STK32B: variants seen among roughly 807,000 people sequenced by gnomAD.
STK32B encodes the protein serine/threonine-protein kinase 32B.
A neutral mutation model predicts 52.6 loss-of-function variants in STK32B; 43 were observed. The observed-to-expected ratio is 0.82, with a 90% CI of 0.64 to 1.05. STK32B has a LOEUF of 1.05. Among genes scored for constraint, STK32B ranks in the 50% least tolerant of loss-of-function variants. The probability of loss-of-function intolerance (pLI) is 0.00; values close to 1 mark genes in which losing one functional copy is unlikely to be tolerated. For missense variants in STK32B, 621 were observed against 534.6 expected (o/e 1.16, Z -1.59); for synonymous variants, 238 against 204.3 (o/e 1.17, Z -1.41).
At chr4:5,487,153 GTC>G (rs930432864) in intron 11 of STK32B, among the ~76,000 whole-genome samples, 11 of 152,198 alleles carry the variant, frequency 7.2e-5, no homozygotes, top group African/African-American at 2.7e-4. Context: ...TGTCCCAGTT[GTC>G]TCTGTCCCAT....
Position 5,168,279 on chromosome 4 carries a change from C to T in STK32B, c.109-20C>T. ...TTTCGATTGTTGGCCTGACTGTTCTCTCCTTTGGCTGTCGCTCAGGTATGC... is the reference window on the plus strand; with the variant it reads ...TTTCGATTGTTGGCCTGACTGTTCTTTCCTTTGGCTGTCGCTCAGGTATGC... On this transcript the variant is annotated intron_variant, in intron 2 of 11. Coordinates refer to ENST00000282908, the MANE Select transcript of STK32B (RefSeq NM_018401.3). 6.2e-7 allele frequency: 1 copy of T among 1,602,442 alleles called. No homozygotes were observed.
intron 3 of STK32B, among the ~76,000 whole-genome samples, chr4:5,307,386 C>A (rs1340344313): frequency 6.6e-6 from 1 of 152,054 alleles, no homozygotes; most frequent in African/African-American, 2.4e-5. Context: ...AAAACCTTGT[C>A]TTCAATCTCT....
intron 4 of STK32B, among the ~76,000 whole-genome samples, chr4:5,376,502 A>G (rs998326625): frequency 1.3e-5 from 2 of 151,992 alleles, no homozygotes; most frequent in African/African-American, 4.8e-5. Flanking sequence ...GGATCCGCTC[A>G]GAGCACTGGC....
At chr4:5,356,751 C>G (rs1734194036) in intron 4 of STK32B, among the ~76,000 whole-genome samples, 2 of 152,152 alleles carry the variant, frequency 1.3e-5, no homozygotes, top group African/African-American at 2.4e-5. Flanking sequence ...AATCCCAGCA[C>G]TTTGGGAAAC....
intron 7 of STK32B, among the ~76,000 whole-genome samples, chr4:5,447,950 A>C (rs1216733384): frequency 6.6e-6 from 1 of 152,218 alleles, no homozygotes; most frequent in Non-Finnish European, 1.5e-5. Context: ...ATTTACATAC[A>C]TGCATATTCA....
At chr4:5,162,298 T>C (rs889431182) in intron 2 of STK32B, among the ~76,000 whole-genome samples, 19 of 152,312 alleles carry the variant, frequency 1.2e-4, no homozygotes, top group African/African-American at 4.3e-4. Flanking sequence ...TCAACTCTGG[T>C]TGTACTTCAG....
intron 1 of STK32B, among the ~76,000 whole-genome samples, chr4:5,109,680 A>C (rs1270123772): frequency 6.6e-6 from 1 of 152,234 alleles, no homozygotes; most frequent in Non-Finnish European, 1.5e-5. Flanking sequence ...CATCATGTTG[A>C]ATGAGGAAAA....
chr4:5,462,484 G>C (rs1312611913), intron 9 of STK32B, among the ~76,000 whole-genome samples: 1 of 152,156 alleles, frequency 6.6e-6, no homozygotes, highest in Admixed American at 6.5e-5. Context: ...GCTGGGGGCA[G>C]GCAGTCTGCA....
intron 4 of STK32B, among the ~76,000 whole-genome samples, chr4:5,333,752 G>T (rs1207897475): frequency 1.3e-5 from 2 of 152,124 alleles, no homozygotes; most frequent in Non-Finnish European, 2.9e-5. Flanking sequence ...CCCATTGCTT[G>T]TTTTTCTCAG....
rs1348675549 is a variant in STK32B, at chr4:5,066,586, A to T, written c.52+14671A>T. Among the ~76,000 whole-genome samples the T allele has an allele frequency of 2.6e-5, 4 of 152,216 alleles. No individual in the cohort carries two copies. The East Asian group carries it at 7.7e-4, about 29-fold the overall frequency. On this transcript the variant is annotated intron_variant, in intron 1 of 11. Coordinates refer to ENST00000282908, the MANE Select transcript of STK32B (RefSeq NM_018401.3). ...TGCCCAGCTCTCCCAACTCACTGCA[A>T]GCTGTGTTCCCCTTCACTGAATGAG...
chr4:5,023,139 C>T, the STK32B span, among the ~76,000 whole-genome samples: 280 of 152,178 alleles, frequency 1.8e-3, no homozygotes, highest in Non-Finnish European at 3.3e-3. Flanking sequence ...TTCAGGAGGC[C>T]TCTAGAATGC....
intron 1 of STK32B, among the ~76,000 whole-genome samples, chr4:5,102,480 CCT>C (rs1713849382): frequency 7.4e-6 from 1 of 134,540 alleles, no homozygotes; most frequent in Non-Finnish European, 1.6e-5. Flanking sequence ...TTCCTTCCTT[CCT>C]TCCTTCCTTC....
At position 5,317,448 on chromosome 4, in the gene STK32B, AAT is replaced by A. The variant is rs1163854405; in HGVS notation, c.261-13764_261-13763del. 2.9e-4 allele frequency among the ~76,000 whole-genome samples: 11 copies of A among 38,204 alleles called. 1 individual carries two copies. Among genetic ancestry groups the A allele is most frequent in the African/African-American group, 1.0e-3 (7 of 6,972 alleles). The allele number at this position is 38,204 out of a possible 152,430, so 25.1% of individuals were successfully genotyped here. On this transcript the variant is annotated intron_variant, in intron 3 of 11. Transcript: ENST00000282908. The stretch of plus-strand genomic sequence containing the variant: ...ATACATATATATTACATATATACAT[AAT>A]ATATATAATATATATGTATAATATA...
At chr4:5,361,477 C>T (rs911929334) in intron 4 of STK32B, among the ~76,000 whole-genome samples, 2 of 152,152 alleles carry the variant, frequency 1.3e-5, no homozygotes, top group African/African-American at 4.8e-5. Context: ...TCTCAAGCAA[C>T]ACCCGCACCT....
At chr4:5,239,895 T>G (rs373512173) in intron 3 of STK32B, among the ~76,000 whole-genome samples, 61 of 152,262 alleles carry the variant, frequency 4.0e-4, no homozygotes, top group Middle Eastern at 3.4e-3. Context: ...ATGTACACTC[T>G]GCACCTTATC....
At chr4:5,152,993 A>G (rs762475927) in intron 2 of STK32B, among the ~76,000 whole-genome samples, 2 of 152,186 alleles carry the variant, frequency 1.3e-5, no homozygotes, top group Non-Finnish European at 2.9e-5. Flanking sequence ...TGTCCCACTA[A>G]TAGCCCAGTA....
chr4:5,413,556 G>T (rs1387677631), intron 5 of STK32B, among the ~76,000 whole-genome samples: 1 of 152,120 alleles, frequency 6.6e-6, no homozygotes, highest in Non-Finnish European at 1.5e-5. Context: ...CCTGAAAATT[G>T]GAAAATTATA....
In STK32B at chr4:5,397,761, G is replaced by A. The variant is rs531054060; in HGVS notation, c.435-446G>A. Among the ~76,000 whole-genome samples, 26 of 152,348 alleles carry A rather than the reference G, an allele frequency of 1.7e-4. 1 individual carries two copies. In the South Asian group the frequency reaches 5.2e-3, roughly 30 times the overall value. On this transcript the variant is annotated intron_variant, in intron 4 of 11. Coordinates refer to ENST00000282908, the MANE Select transcript of STK32B (RefSeq NM_018401.3). ...GGCCCAGGGCTGGATTTGGCCAAGA[G>A]CCGTAGTTTGCCCATCTCTGACCAT...
At chr4:5,121,257 T>C (rs1250036258) in intron 1 of STK32B, among the ~76,000 whole-genome samples, 1 of 152,236 alleles carries the variant, frequency 6.6e-6, no homozygotes, top group Non-Finnish European at 1.5e-5. Flanking sequence ...TTTTGTTCCT[T>C]TCTATGGCTG....
Sources: allele counts gnomAD v4.1 joint callset (sites outside exome capture counted in the v4.1 genomes callset), GRCh38; gene constraint gnomAD v4.1.1; transcripts MANE v1.5; gene names NCBI Gene and HGNC (gene_info 2026-07-23, HGNC 2026-07-21).